Variants in DUOXA2 observed in about 807,000 individuals in gnomAD.
The protein encoded by DUOXA2 is dual oxidase maturation factor 2.
In DUOXA2, 22 loss-of-function variants were observed where a neutral mutation model predicts 27.6. That is an observed-to-expected ratio of 0.80 (90% CI 0.57 to 1.14). The LOEUF is 1.14. Among genes scored for constraint, DUOXA2 ranks in the 50% most tolerant of loss-of-function variants. DUOXA2 has a pLI of 0.00. For synonymous variants in DUOXA2, 188 were observed against 184.4 expected (o/e 1.02, Z -0.16); for missense variants, 481 against 419.9 (o/e 1.15, Z -1.27).
At position 45,116,221 on chromosome 15, in the gene DUOXA2, G is replaced by A. The variant is rs375404118; in HGVS notation, c.303G>A (p.Leu101=). Residue 101 remains leucine (L), a synonymous_variant, in exon 3 of 6, where the codon CTG becomes CTA. Transcript: ENST00000323030. The part of the protein sequence containing the change: ...SAARVTARVR[L]LVGLEGINIT... ...CGCGCGTTACAGCCCGTGTCCGTCTGCTCGTGGGCCTGGAGGGCATTAATA... is the reference window on the plus strand; with the variant it reads ...CGCGCGTTACAGCCCGTGTCCGTCTACTCGTGGGCCTGGAGGGCATTAATA... 400 of 1,614,128 alleles carry A rather than the reference G, an allele frequency of 2.5e-4. 6 individuals carry two copies. The African/African-American group carries it at 5.0e-3, about 20-fold the overall frequency.
Position 45,117,981 on chromosome 15 carries a change from G to A in DUOXA2, c.*72G>A. 6.2e-7 allele frequency: 1 copy of A among 1,612,512 alleles called. No individual in the cohort carries two copies. The highest frequency in any genetic ancestry group is 8.5e-7 in the Non-Finnish European group (1 of 1,179,546). On this transcript the variant is annotated 3_prime_UTR_variant, in exon 6 of 6. Transcript: ENST00000323030. ...CGGGAAGCAGTGCCCGCCAGGCCTG[G>A]GCCAGGAGAGCTCCAGGAAGGGCAC...
At position 45,116,685 on chromosome 15, in the gene DUOXA2, C is replaced by T. The variant is rs948442309; in HGVS notation, c.510C>T (p.Tyr170=). The T allele has an allele frequency of 1.9e-6, 3 of 1,613,696 alleles. No homozygotes were observed. Among genetic ancestry groups the T allele is most frequent in the Non-Finnish European group, 1.7e-6 (2 of 1,180,050 alleles). Residue 170 remains tyrosine, a synonymous_variant, in exon 4 of 6, where the codon TAC becomes TAT. Transcript: ENST00000323030. The part of the protein sequence containing the change: ...KFTPSSPCGL[Y]HQYHLAGHYA... ...CACCGAGTAGCCCTTGCGGCCTGTACCACCAGTACCACCTGGCGGGACACT... is the reference window on the plus strand; with the variant it reads ...CACCGAGTAGCCCTTGCGGCCTGTATCACCAGTACCACCTGGCGGGACACT...
intron 1 of DUOXA2, among the ~76,000 whole-genome samples, chr15:45,115,118 A>C (rs567993920): frequency 1.3e-5 from 2 of 152,328 alleles, no homozygotes; most frequent in South Asian, 4.1e-4. Flanking sequence ...CCTTCAGGCC[A>C]AAAGGACAGA....
In DUOXA2 at chr15:45,117,173, A is replaced by G; in HGVS notation, c.637A>G (p.Thr213Ala). 6.2e-7 allele frequency: 1 copy of G among 1,605,380 alleles called. No individual in the cohort carries two copies. Among genetic ancestry groups the G allele is most frequent in the East Asian group, 2.2e-5 (1 of 44,854 alleles). Residue 213 changes from threonine (T) to alanine (A), a missense_variant, in exon 5 of 6, where the codon ACC becomes GCC. Transcript: ENST00000323030. ...PLYGGLALLT[T>A]GAFALFGVFA... ...CTACGGAGGCCTGGCACTGCTGACC[A>G]CCGGAGCCTTCGCGCTCTTCGGGGT...
intron 4 of DUOXA2, 38 bp downstream of exon 4, chr15:45,116,767 G>T: frequency 6.2e-7 from 1 of 1,605,366 alleles, no homozygotes; most frequent in Non-Finnish European, 8.5e-7. Flanking sequence ...ACGTGTGTGT[G>T]TGCCAGGAGC....
Position 45,118,299 on chromosome 15 carries a change from A to G in DUOXA2, c.*390A>G. On this transcript the variant is annotated 3_prime_UTR_variant, in exon 6 of 6. Coordinates refer to ENST00000323030, the MANE Select transcript of DUOXA2 (RefSeq NM_207581.4). ...CCTACCAGAGCTAGCATCTTTCTGA[A>G]CCACCCCAGGGGGACGTTAGGTGGC... is the stretch of plus-strand genomic sequence containing the variant. 1 of 1,299,854 alleles carries G rather than the reference A, an allele frequency of 7.7e-7. No homozygotes were observed. Among genetic ancestry groups the G allele is most frequent in the South Asian group, 2.3e-5 (1 of 43,868 alleles). The allele number at this position is 1,299,854 out of a possible 1,614,324, so 80.5% of individuals were successfully genotyped here. A position where few individuals can be genotyped will look rare whatever the true frequency, so the allele number is the denominator to read the frequency against.
chr15:45,116,899 C>A, intron 4 of DUOXA2, 170 bp downstream of exon 4: 1 of 1,064,236 alleles, frequency 9.4e-7, no homozygotes, highest in Non-Finnish European at 1.4e-6. Flanking sequence ...TCTGCACAGA[C>A]GGAATCCGGA....
rs376937228 is a variant in DUOXA2 at position 45,117,294 on chromosome 15, C to T, written c.758C>T (p.Thr253Met). The T allele has an allele frequency of 6.3e-7, 1 of 1,595,842 alleles. No homozygotes were observed. The highest frequency in any genetic ancestry group is 1.3e-5 in the African/African-American group (1 of 74,630). Residue 253 changes from threonine to methionine, a missense_variant, in exon 5 of 6, where the codon ACG becomes ATG. Coordinates refer to ENST00000323030, the MANE Select transcript of DUOXA2 (RefSeq NM_207581.4). ...TTQYGAAFWV[T>M]LATGVLCLFL... is the part of the protein sequence containing the mutation. ...CAGTACGGCGCCGCCTTCTGGGTCA[C>T]GCTGGCAACCGGTGAGGACCGAGAG...
Position 45,114,561 on chromosome 15 carries a change from T to C in DUOXA2, c.-45T>C. ...CCGCGTCCAGGCAGCCCCAGCTTGC[T>C]GGCTTGCCTGCCCGCCTGCGTGCAG... is the stretch of plus-strand genomic sequence containing the variant. On this transcript the variant is annotated 5_prime_UTR_variant, in exon 1 of 6. Coordinates refer to ENST00000323030, the MANE Select transcript of DUOXA2 (RefSeq NM_207581.4). The C allele has an allele frequency of 1.2e-6, 2 of 1,610,886 alleles. No homozygotes were observed. The highest frequency in any genetic ancestry group is 2.2e-5 in the East Asian group (1 of 44,816).
chr15:45,116,460 C>T (rs1446372808), intron 3 of DUOXA2, 56 bp from the exon 4 acceptor site: 2 of 1,601,422 alleles, frequency 1.2e-6, no homozygotes, highest in South Asian at 1.1e-5. Flanking sequence ...TCTGAATCCG[C>T]TTAGTTGCGA....
rs757463764 is a variant in DUOXA2 at position 45,116,655 on chromosome 15, G to A, written c.480G>A (p.Lys160=). The A allele has an allele frequency of 6.2e-7, 1 of 1,613,828 alleles. No homozygotes were observed. Among genetic ancestry groups the A allele is most frequent in the Non-Finnish European group, 8.5e-7 (1 of 1,180,036 alleles). The part of the protein sequence containing the change: ...LPDPVLYLAE[K]FTPSSPCGLY... Reference sequence around the variant, plus strand: ...ACCCAGTGCTCTACCTGGCGGAGAAGTTCACACCGAGTAGCCCTTGCGGCC... The same window carrying A: ...ACCCAGTGCTCTACCTGGCGGAGAAATTCACACCGAGTAGCCCTTGCGGCC... The change falls in exon 4 of 6, where the codon AAG becomes AAA. Residue 160 remains lysine (K), a synonymous_variant. Coordinates refer to ENST00000323030, the MANE Select transcript of DUOXA2 (RefSeq NM_207581.4).
intron 4 of DUOXA2, 101 bp downstream of exon 4, chr15:45,116,830 C>T: frequency 2.2e-6 from 3 of 1,390,360 alleles, no homozygotes; most frequent in Non-Finnish European, 2.0e-6. Context: ...GCAGCTGCAG[C>T]CAGACCCGAC....
rs755508942 is a variant in DUOXA2 at position 45,117,325 on chromosome 15, G to C, written c.769+20G>C. On this transcript the variant is annotated intron_variant, in intron 5 of 5. Transcript: ENST00000323030. ...CAACCGGTGAGGACCGAGAGAATGG[G>C]CCCCGGGGGCTAAGGGTGGAGACAG... The C allele has an allele frequency of 6.4e-7, 1 of 1,570,264 alleles. No individual in the cohort carries two copies. Among genetic ancestry groups the C allele is most frequent in the Non-Finnish European group, 8.7e-7 (1 of 1,155,550 alleles).
chr15:45,117,085 C>T lies in DUOXA2; in HGVS notation c.555-6C>T. 1.3e-6 allele frequency: 2 copies of T among 1,598,138 alleles called. No homozygotes were observed. Among genetic ancestry groups the T allele is most frequent in the Middle Eastern group, 1.8e-4 (1 of 5,694 alleles). ...GCTCACAGCGGGTCCCCCCACTCCC[C>T]GGCAGGGTGGCGTTCTGCTTCTGGC... On this transcript the variant is annotated splice_region_variant and splice_polypyrimidine_tract_variant and intron_variant, in intron 4 of 5. Coordinates refer to ENST00000323030, the MANE Select transcript of DUOXA2 (RefSeq NM_207581.4).
intron 1 of DUOXA2, 77 bp downstream of exon 1, chr15:45,114,829 G>A: frequency 1.2e-6 from 2 of 1,604,082 alleles, no homozygotes; most frequent in South Asian, 1.1e-5. Flanking sequence ...CCCAGGACAG[G>A]TAAGACTGTA....
intron 1 of DUOXA2, 63 bp from the exon 2 acceptor site, chr15:45,115,736 G>A (rs1894598491): frequency 6.3e-7 from 1 of 1,599,084 alleles, no homozygotes; most frequent in East Asian, 2.2e-5. Context: ...GTGGGGTCAA[G>A]GGTGGTCTTG....
Position 45,117,777 on chromosome 15 carries a change from T to C in DUOXA2, c.831T>C (p.Ala277=). 6.2e-7 allele frequency: 1 copy of C among 1,614,006 alleles called. No individual in the cohort carries two copies. The highest frequency in any genetic ancestry group is 8.5e-7 in the Non-Finnish European group (1 of 1,180,038). ...VVSLQYVRPS[A]LRTLLDQSAK... Reference sequence around the variant, plus strand: ...GTCTCCAGTATGTTCGGCCCAGCGCTCTTCGCACCCTTCTGGACCAAAGCG... The same window carrying C: ...GTCTCCAGTATGTTCGGCCCAGCGCCCTTCGCACCCTTCTGGACCAAAGCG... The change falls in exon 6 of 6, where the codon GCT becomes GCC. Residue 277 remains alanine (A), a synonymous_variant. Transcript: ENST00000323030.
In DUOXA2 at chr15:45,114,501, C is replaced by A. The variant is rs187585687; in HGVS notation, c.-105C>A. 1.7e-5 allele frequency: 26 copies of A among 1,517,800 alleles called. No homozygotes were observed. The highest frequency in any genetic ancestry group is 4.2e-4 in the Middle Eastern group (2 of 4,750). 94.0% of individuals were successfully genotyped at this position (1,517,800 alleles called of 1,614,324 possible). ...ACTTCACCAGCCCACTCGGTCCCAG[C>A]CTTGTACGCAAAGAGACGCCAAGGA... On this transcript the variant is annotated 5_prime_UTR_variant, in exon 1 of 6. Coordinates refer to ENST00000323030, the MANE Select transcript of DUOXA2 (RefSeq NM_207581.4).
rs759731631 is a variant in DUOXA2 at position 45,117,804 on chromosome 15, CA to C, written c.860del (p.Lys287ArgfsTer27). On this transcript the variant is annotated frameshift_variant, in exon 6 of 6. Coordinates refer to ENST00000323030, the MANE Select transcript of DUOXA2 (RefSeq NM_207581.4). LOFTEE classifies it low-confidence loss of function (END_TRUNC). ...ALRTLLDQSAKDCSQERGGSP... is the reference protein window; with the variant it reads ...ALRTLLDQSAXDCSQERGGSP... Reference sequence around the variant, plus strand: ...TTCGCACCCTTCTGGACCAAAGCGCCAAGGACTGCAGCCAGGAGAGAGGGGG... The same window carrying C: ...TTCGCACCCTTCTGGACCAAAGCGCCAGGACTGCAGCCAGGAGAGAGGGGG... The C allele has an allele frequency of 3.7e-6, 6 of 1,613,942 alleles. No homozygotes were observed. The South Asian group carries it at 6.6e-5, about 18-fold the overall frequency.
Sources: gnomAD v4.1 joint callset for allele counts (sites outside exome capture counted in the v4.1 genomes callset) on GRCh38, gnomAD v4.1.1 for gene constraint, MANE v1.5 for transcripts, NCBI Gene and HGNC (gene_info 2026-07-23, HGNC 2026-07-21) for gene names.